Variants in CCDC88C observed in about 807,000 individuals in gnomAD.
CCDC88C encodes coiled-coil and HOOK domain protein 88C, also known as protein Daple.
A neutral mutation model predicts 198.8 loss-of-function variants in CCDC88C; 131 were observed. That is an observed-to-expected ratio of 0.66 (90% CI 0.57 to 0.76). The LOEUF (loss-of-function observed/expected upper bound fraction) is 0.76, where lower values mean the gene tolerates loss of function less well. Among genes scored for constraint, CCDC88C ranks in the 30% least tolerant of loss-of-function variants. CCDC88C has a pLI of 0.00. For missense variants in CCDC88C, 2,553 were observed against 2,631.6 expected (o/e 0.97, Z 0.65); for synonymous variants, 1,166 against 1,114.7 (o/e 1.05, Z -0.92).
intron 17 of CCDC88C, among the ~76,000 whole-genome samples, chr14:91,308,096 G>A (rs560043095): frequency 4.1e-4 from 62 of 152,320 alleles, no homozygotes; most frequent in African/African-American, 1.3e-3. Context: ...GGGTGTTCCC[G>A]TATCTTGCCT....
chr14:91,272,314 G>A lies in CCDC88C; in HGVS notation c.*311C>T, dbSNP rs1252683708. On this transcript the variant is annotated 3_prime_UTR_variant, in exon 30 of 30. Coordinates refer to ENST00000389857, the MANE Select transcript of CCDC88C (RefSeq NM_001080414.4). ...TGTTCTACTGGGACATACTGGAGTA[G>A]TGTCTGCTTTGGGGGAAGTCAGTTT... 1.0e-5 allele frequency: 4 copies of A among 388,742 alleles called. No individual in the cohort carries two copies. The Admixed American group carries it at 1.3e-4, about 13-fold the overall frequency. 24.1% of individuals were successfully genotyped at this position (388,742 alleles called of 1,614,324 possible). A position where few individuals can be genotyped will look rare whatever the true frequency, so the allele number is the denominator to read the frequency against.
chr14:91,278,238 A>T, intron 28 of CCDC88C, 27 bp from the exon 29 acceptor site: 2 of 1,565,276 alleles, frequency 1.3e-6, no homozygotes, highest in Non-Finnish European at 1.7e-6. Flanking sequence ...GAGACAGAGG[A>T]CCCTCATCAG....
intron 4 of CCDC88C, among the ~76,000 whole-genome samples, chr14:91,349,123 G>C (rs879839382): frequency 1.3e-5 from 2 of 152,194 alleles, no homozygotes; most frequent in Non-Finnish European, 2.9e-5. Context: ...GACTGGCTCA[G>C]TGACACAGTC....
chr14:91,415,656 G>A (rs1887006065), intron 2 of CCDC88C, among the ~76,000 whole-genome samples: 1 of 151,616 alleles, frequency 6.6e-6, no homozygotes, highest in African/African-American at 2.4e-5. Flanking sequence ...GGAGGCGGAG[G>A]TTGTGGTGAG....
intron 3 of CCDC88C, among the ~76,000 whole-genome samples, chr14:91,375,390 C>T (rs1181645415): frequency 2.0e-5 from 3 of 152,116 alleles, no homozygotes; most frequent in Admixed American, 6.5e-5. Context: ...TGTGAGGCTC[C>T]GACCTGAGGA....
Position 91,284,295 on chromosome 14 carries a change from T to C in CCDC88C, c.4442-778A>G, listed in dbSNP as rs1479577197. Among the ~76,000 whole-genome samples, 1 of 152,194 alleles carries C rather than the reference T, an allele frequency of 6.6e-6. No individual in the cohort carries two copies. The highest frequency in any genetic ancestry group is 2.4e-5 in the African/African-American group (1 of 41,446). On this transcript the variant is annotated intron_variant, in intron 25 of 29. Coordinates refer to ENST00000389857, the MANE Select transcript of CCDC88C (RefSeq NM_001080414.4). The surrounding 1 kb of genome is among the most constrained non-coding windows in gnomAD (Gnocchi z 4.1). The stretch of plus-strand genomic sequence containing the variant: ...CCGTGTGCAGAGCCAGGACTCACTG[T>C]TGCAGTTCGGCTTCTCCACCCATCA...
chr14:91,371,884 G>C lies in CCDC88C; in HGVS notation c.271-12173C>G, dbSNP rs970322924. On this transcript the variant is annotated intron_variant, in intron 3 of 29. Transcript: ENST00000389857. The surrounding 1 kb of genome is among the most constrained non-coding windows in gnomAD (Gnocchi z 4.2). ...CACAAGTCGGAGCAGGATGGTGGAG[G>C]GCACCTAGGAGCCTCCAGCGGTAGA... 6.6e-6 allele frequency among the ~76,000 whole-genome samples: 1 copy of C among 152,198 alleles called. No individual in the cohort carries two copies. The highest frequency in any genetic ancestry group is 2.4e-5 in the African/African-American group (1 of 41,458).
intron 3 of CCDC88C, among the ~76,000 whole-genome samples, chr14:91,403,026 G>A (rs1886296246): frequency 6.6e-6 from 1 of 152,022 alleles, no homozygotes; most frequent in African/African-American, 2.4e-5. Flanking sequence ...TCTAAATCTC[G>A]CAGTTTCTGG....
At chr14:91,320,979 C>T (rs1332756348) in intron 13 of CCDC88C, 141 bp downstream of exon 13, 33 of 751,696 alleles carry the variant, frequency 4.4e-5, no homozygotes, top group Non-Finnish European at 5.9e-5. Context: ...GCGGTGACTG[C>T]GCCTGGATTC....
chr14:91,385,907 T>A (rs1885103356), intron 3 of CCDC88C, among the ~76,000 whole-genome samples: 1 of 152,138 alleles, frequency 6.6e-6, no homozygotes, highest in Admixed American at 6.5e-5. Context: ...ACTGTCCACA[T>A]GCATTTCTAT....
chr14:91,294,335 C>A lies in CCDC88C; in HGVS notation c.3967-17G>T, dbSNP rs746232605. On this transcript the variant is annotated splice_polypyrimidine_tract_variant and intron_variant, in intron 22 of 29. Transcript: ENST00000389857. ...GGAGAGCAGCTAGAACACAGACCAACAGCGTCTCAGACACCATGTGACCCG... is the reference window on the plus strand; with the variant it reads ...GGAGAGCAGCTAGAACACAGACCAAAAGCGTCTCAGACACCATGTGACCCG... The A allele has an allele frequency of 1.9e-6, 3 of 1,613,064 alleles. No individual in the cohort carries two copies.
rs949770889 is a variant in CCDC88C, at chr14:91,394,329, A to G, written c.270+14330T>C. Among the ~76,000 whole-genome samples, 100 of 152,140 alleles carry G rather than the reference A, an allele frequency of 6.6e-4. 1 individual carries two copies. Among genetic ancestry groups the G allele is most frequent in the African/African-American group, 2.4e-3 (98 of 41,432 alleles). ...AGCCCCCTCACTGCATTGCACCTCC[A>G]TACCGGTTTACCCCTGTTTACCCTC... On this transcript the variant is annotated intron_variant, in intron 3 of 29. Transcript: ENST00000389857.
At chr14:91,340,489 AAC>A (rs1224849000) in intron 6 of CCDC88C, among the ~76,000 whole-genome samples, 1 of 152,178 alleles carries the variant, frequency 6.6e-6, no homozygotes, top group Non-Finnish European at 1.5e-5. Context: ...TCTATTCATA[AAC>A]AGTTTTCAGG....
chr14:91,321,107 G>T lies in CCDC88C; in HGVS notation c.1527+13C>A. ...TTCTGTGCTTCCCCGGTGGCCTAAGGAGGCCGAGGTACCTTCTTGCTGAGC... is the reference window on the plus strand; with the variant it reads ...TTCTGTGCTTCCCCGGTGGCCTAAGTAGGCCGAGGTACCTTCTTGCTGAGC... On this transcript the variant is annotated intron_variant, in intron 13 of 29. Coordinates refer to ENST00000389857, the MANE Select transcript of CCDC88C (RefSeq NM_001080414.4). 2 of 1,600,200 alleles carry T rather than the reference G, an allele frequency of 1.2e-6. No individual in the cohort carries two copies. The highest frequency in any genetic ancestry group is 1.7e-6 in the Non-Finnish European group (2 of 1,173,024).
rs545206213 is a variant in CCDC88C at position 91,359,013 on chromosome 14, G to A, written c.340+629C>T. ...CTAAGGTACCACACTCCCTGATGGT[G>A]TCAGCTGATTCCACACTTACTGAGG... is the stretch of plus-strand genomic sequence containing the variant. On this transcript the variant is annotated intron_variant, in intron 4 of 29. Transcript: ENST00000389857. 5.6e-4 allele frequency among the ~76,000 whole-genome samples: 86 copies of A among 152,292 alleles called. 1 individual carries two copies. Among genetic ancestry groups the A allele is most frequent in the South Asian group, 4.6e-3 (22 of 4,828 alleles).
rs370771006 is a variant in CCDC88C at position 91,339,869 on chromosome 14, G to A, written c.624+15C>T. On this transcript the variant is annotated intron_variant, in intron 7 of 29. Coordinates refer to ENST00000389857, the MANE Select transcript of CCDC88C (RefSeq NM_001080414.4). The surrounding 1 kb of genome is among the most constrained non-coding windows in gnomAD (Gnocchi z 5.8). ...CCCTTCCCAGGCTGACCGGGCCACC[G>A]ACCCGCGGACGCACCTCGGTGCACT... 3.8e-6 allele frequency: 6 copies of A among 1,571,244 alleles called. No homozygotes were observed. Among genetic ancestry groups the A allele is most frequent in the Admixed American group, 1.8e-5 (1 of 55,678 alleles).
intron 3 of CCDC88C, chr14:91,408,345 C>T (rs1886617512): frequency 6.8e-6 from 2 of 295,290 alleles, no homozygotes; most frequent in Admixed American, 4.5e-5. Context: ...TCAGGAAGCC[C>T]ATTCCAGCCA....
Position 91,315,677 on chromosome 14 carries a change from C to T in CCDC88C, c.1638G>A (p.Glu546=), listed in dbSNP as rs968410212. 2 of 1,613,924 alleles carry T rather than the reference C, an allele frequency of 1.2e-6. No homozygotes were observed. Among genetic ancestry groups the T allele is most frequent in the Non-Finnish European group, 1.7e-6 (2 of 1,179,882 alleles). Residue 546 remains glutamate (E), a synonymous_variant, in exon 14 of 30, where the codon GAG becomes GAA. Coordinates refer to ENST00000389857, the MANE Select transcript of CCDC88C (RefSeq NM_001080414.4). ...REKEQLQSDM[E]TLKADKARQI... ...GCCTGGCTTTGTCAGCCTTCAGGGT[C>T]TCCATGTCACTCTGCAGCTGCTCCT...
At chr14:91,340,523 C>T (rs765447813) in intron 6 of CCDC88C, among the ~76,000 whole-genome samples, 3 of 152,164 alleles carry the variant, frequency 2.0e-5, no homozygotes, top group East Asian at 1.9e-4. Flanking sequence ...CTCATTCCCA[C>T]GGGCCACAGA....
Sources: allele counts gnomAD v4.1 joint callset (sites outside exome capture counted in the v4.1 genomes callset), GRCh38; gene constraint gnomAD v4.1.1; non-coding constraint Gnocchi (gnomAD v3.1); transcripts MANE v1.5; gene names NCBI Gene and HGNC (gene_info 2026-07-23, HGNC 2026-07-21).